Variants in TRIP10 observed in about 807,000 individuals in gnomAD.
TRIP10 encodes the protein thyroid hormone receptor interactor 10.
In TRIP10, 54 loss-of-function variants were observed where a neutral mutation model predicts 80.9. The ratio of observed to expected loss-of-function variants is 0.67; its 90% CI spans 0.54 to 0.84. The LOEUF (loss-of-function observed/expected upper bound fraction) is 0.84. Ranked by LOEUF, TRIP10 falls within the 40% of genes least tolerant of loss-of-function variation. TRIP10 has a pLI of 0.00. For missense variants in TRIP10, 773 were observed against 815.3 expected (o/e 0.95, Z 0.63); for synonymous variants, 321 against 307.2 (o/e 1.04, Z -0.47).
rs140367724 is a variant in TRIP10 at position 6,743,213 on chromosome 19, G to A, written c.365G>A (p.Arg122Gln). Residue 122 changes from arginine (R) to glutamine (Q), a missense_variant, in exon 5 of 15, where the codon CGG becomes CAG. By Grantham distance (43) the Arg-to-Gln change is conservative (BLOSUM62 1). Transcript: ENST00000313244. ...ERKMHFQEGR[R>Q]AQQQLENGFK... ...CTGTAGCACTTCCAAGAAGGGCGGC[G>A]GGCCCAGCAGCAGCTGGAAAATGGC... is the stretch of plus-strand genomic sequence containing the variant. The A allele has an allele frequency of 1.3e-4, 205 of 1,614,088 alleles. No homozygotes were observed. Among genetic ancestry groups the A allele is most frequent in the Middle Eastern group, 1.7e-4 (1 of 5,986 alleles).
chr19:6,746,033 G>T lies in TRIP10; in HGVS notation c.989G>T (p.Arg330Leu), dbSNP rs1337893962. The change falls in exon 10 of 15, where the codon CGC becomes CTC. Residue 330 changes from arginine to leucine, a missense_variant. Physicochemically the swap from Arg to Leu is moderately radical, Grantham distance 102 (BLOSUM62 -2). Coordinates refer to ENST00000313244, the MANE Select transcript of TRIP10 (RefSeq NM_001288962.2). This position sits in a 1 kb window ranked among gnomAD's most constrained non-coding sequence, Gnocchi z 6.2. ...RWPFGKKNKP[R>L]PPPLSPLGGP... ...CTCCCCGGCCCCCGCCGGTAGCCTC[G>T]CCCCCCACCCCTCTCCCCCCTGGGG... 1 of 638,564 alleles carries T rather than the reference G, an allele frequency of 1.6e-6. No individual in the cohort carries two copies. The highest frequency in any genetic ancestry group is 6.2e-5 in the South Asian group (1 of 16,180). 39.6% of individuals were successfully genotyped at this position (638,564 alleles called of 1,614,324 possible).
At chr19:6,739,850 C>T in intron 1 of TRIP10, 65 bp downstream of exon 1, 1 of 1,388,256 alleles carries the variant, frequency 7.2e-7, no homozygotes, top group Non-Finnish European at 9.4e-7. Flanking sequence ...CCTTTTGTCC[C>T]CAATGTATCT....
rs28705365 is a variant in TRIP10, at chr19:6,750,370, C to G, written c.1474C>G (p.Pro492Ala). ...GAGCCGGCACGCCCGGCCTCCCGAC[C>G]CCCCCGCTAGCGCCCCGCCAGACAG... ...SLSRHARPPDPPASAPPDSSS... is the reference protein window; with the variant it reads ...SLSRHARPPDAPASAPPDSSS... The change falls in exon 13 of 15, where the codon CCC (proline) becomes GCC (alanine). Residue 492 changes from proline (P) to alanine (A), a missense_variant. Physicochemically the swap from Pro to Ala is conservative, Grantham distance 27. Coordinates refer to ENST00000313244, the MANE Select transcript of TRIP10 (RefSeq NM_001288962.2). 7 of 1,614,008 alleles carry G rather than the reference C, an allele frequency of 4.3e-6. No homozygotes were observed. The highest frequency in any genetic ancestry group is 2.7e-5 in the African/African-American group (2 of 74,938).
In TRIP10 at chr19:6,746,085, C is replaced by G; in HGVS notation, c.1041C>G (p.Asn347Lys). 6.2e-6 allele frequency: 9 copies of G among 1,457,970 alleles called. No homozygotes were observed. Among genetic ancestry groups the G allele is most frequent in the Non-Finnish European group, 7.3e-6 (8 of 1,091,236 alleles). 90.3% of individuals were successfully genotyped at this position (1,457,970 alleles called of 1,614,324 possible). A position where few individuals can be genotyped will look rare whatever the true frequency, so the allele number is the denominator to read the frequency against. The change falls in exon 10 of 15, where the codon AAC (asparagine) becomes AAG (lysine). Residue 347 changes from asparagine (N) to lysine (K), a missense_variant. Physicochemically the swap from Asn to Lys is moderately conservative, Grantham distance 94 (BLOSUM62 0). Coordinates refer to ENST00000313244, the MANE Select transcript of TRIP10 (RefSeq NM_001288962.2). This position sits in a 1 kb window ranked among gnomAD's most constrained non-coding sequence, Gnocchi z 6.2. ...LGGPVPSALPNGPPSPRSGRD... is the reference protein window; with the variant it reads ...LGGPVPSALPKGPPSPRSGRD... ...GCCCCGTACCCTCGGCATTGCCTAA[C>G]GGACCCCCGTCCCCCCGCTCCGGCC...
In TRIP10 at chr19:6,743,518, T is replaced by A. The variant is rs1251041826; in HGVS notation, c.433T>A (p.Cys145Ser). The A allele has an allele frequency of 6.2e-7, 1 of 1,609,042 alleles. No homozygotes were observed. The highest frequency in any genetic ancestry group is 1.7e-5 in the Admixed American group (1 of 59,620). The part of the protein sequence containing the change: ...ENSKRKFERD[C>S]REAEKAAQTA... Reference sequence around the variant, plus strand: ...GAGTAAGCGTAAATTTGAGCGGGACTGCCGGGAGGCAGAGAAGGCAGCCCA... The same window carrying A: ...GAGTAAGCGTAAATTTGAGCGGGACAGCCGGGAGGCAGAGAAGGCAGCCCA... Residue 145 changes from cysteine to serine, a missense_variant, in exon 6 of 15, where the codon TGC (cysteine) becomes AGC (serine). Physicochemically the swap from Cys to Ser is moderately radical, Grantham distance 112 (BLOSUM62 -1). Transcript: ENST00000313244.
intron 11 of TRIP10, among the ~76,000 whole-genome samples, chr19:6,749,133 A>G (rs1167421612): frequency 6.6e-6 from 1 of 151,738 alleles, no homozygotes; most frequent in Non-Finnish European, 1.5e-5. Flanking sequence ...CTAGAGACAA[A>G]GTCTCACACC....
rs373289079 is a variant in TRIP10 at position 6,749,907 on chromosome 19, C to T, written c.1263-27C>T. On this transcript the variant is annotated intron_variant, in intron 11 of 14. Coordinates refer to ENST00000313244, the MANE Select transcript of TRIP10 (RefSeq NM_001288962.2). Reference sequence around the variant, plus strand: ...AAAACTCACACGGAAGTATGTTTTCCTGTCTATCCTGTCTCCCTTGTCATA... The same window carrying T: ...AAAACTCACACGGAAGTATGTTTTCTTGTCTATCCTGTCTCCCTTGTCATA... 8.1e-6 allele frequency: 13 copies of T among 1,595,776 alleles called. No individual in the cohort carries two copies. In the African/African-American group the frequency reaches 9.5e-5, roughly 12 times the overall value.
chr19:6,744,865 G>C lies in TRIP10; in HGVS notation c.855G>C (p.Glu285Asp), dbSNP rs2145541817. 6.2e-7 allele frequency: 1 copy of C among 1,614,236 alleles called. No homozygotes were observed. Among genetic ancestry groups the C allele is most frequent in the African/African-American group, 1.3e-5 (1 of 75,078 alleles). The change falls in exon 9 of 15, where the codon GAG becomes GAC. Residue 285 changes from glutamate to aspartate, a missense_variant. Transcript: ENST00000313244. This position sits in a 1 kb window ranked among gnomAD's most constrained non-coding sequence, Gnocchi z 4.9. ...GFARPGDVEF[E>D]DFSQPMNRAP... ...CCCGCCCGGGCGACGTGGAATTCGA[G>C]GACTTCAGCCAGCCCATGAACCGTG... is the stretch of plus-strand genomic sequence containing the variant.
chr19:6,751,233 G>C lies in TRIP10; in HGVS notation c.*22G>C. On this transcript the variant is annotated 3_prime_UTR_variant, in exon 15 of 15. Coordinates refer to ENST00000313244, the MANE Select transcript of TRIP10 (RefSeq NM_001288962.2). Reference sequence around the variant, plus strand: ...TTGAACCCTGCCAGAGACGGGAAGAGGGGGGCTGTCGGCTGCTGCTTCTGG... The same window carrying C: ...TTGAACCCTGCCAGAGACGGGAAGACGGGGGCTGTCGGCTGCTGCTTCTGG... The C allele has an allele frequency of 6.2e-7, 1 of 1,613,588 alleles. No individual in the cohort carries two copies. Among genetic ancestry groups the C allele is most frequent in the Non-Finnish European group, 8.5e-7 (1 of 1,179,882 alleles).
Position 6,746,166 on chromosome 19 carries a change from A to G in TRIP10, c.1122A>G (p.Ala374=), listed in dbSNP as rs1969123433. 3 of 1,545,156 alleles carry G rather than the reference A, an allele frequency of 1.9e-6. No homozygotes were observed. Among genetic ancestry groups the G allele is most frequent in the Non-Finnish European group, 2.6e-6 (3 of 1,144,096 alleles). Residue 374 remains alanine, a synonymous_variant, in exon 10 of 15, where the codon GCA becomes GCG. Transcript: ENST00000313244. This position sits in a 1 kb window ranked among gnomAD's most constrained non-coding sequence, Gnocchi z 6.2. Reference sequence around the variant, plus strand: ...GTAAGTCGGTCAAACCGAGGCTAGCATCCTTCCGCAGCCTTCGAGGCAGCC... The same window carrying G: ...GTAAGTCGGTCAAACCGAGGCTAGCGTCCTTCCGCAGCCTTCGAGGCAGCC... ...EISKSVKPRL[A]SFRSLRGSRG...
Position 6,743,688 on chromosome 19 carries a change from T to C in TRIP10, c.514-20T>C. 6.2e-7 allele frequency: 1 copy of C among 1,613,462 alleles called. No homozygotes were observed. Among genetic ancestry groups the C allele is most frequent in the Middle Eastern group, 1.7e-4 (1 of 6,060 alleles). ...ACGTGATCGGAACCTGGCAGTACCT[T>C]CCACCTCTGCATTCTTCAGGCCAAG... On this transcript the variant is annotated intron_variant, in intron 6 of 14. Transcript: ENST00000313244.
In TRIP10 at chr19:6,745,180, G is replaced by A; in HGVS notation, c.984+186G>A. On this transcript the variant is annotated intron_variant, in intron 9 of 14. Transcript: ENST00000313244. The surrounding 1 kb of genome is among the most constrained non-coding windows in gnomAD (Gnocchi z 7.2). ...GGCCTGGGAGTCCCCCGAGGCGAAGGCGGGGGCAGGGTGGGGAGGTGGGGA... is the reference window on the plus strand; with the variant it reads ...GGCCTGGGAGTCCCCCGAGGCGAAGACGGGGGCAGGGTGGGGAGGTGGGGA... 1.2e-6 allele frequency: 1 copy of A among 814,168 alleles called. No homozygotes were observed. Among genetic ancestry groups the A allele is most frequent in the Non-Finnish European group, 1.8e-6 (1 of 541,440 alleles). 50.4% of individuals were successfully genotyped at this position (814,168 alleles called of 1,614,324 possible).
intron 1 of TRIP10, 47 bp downstream of exon 1, chr19:6,739,832 G>A (rs1265249358): frequency 7.1e-7 from 1 of 1,414,568 alleles, no homozygotes; most frequent in East Asian, 2.7e-5. Flanking sequence ...CTGGGGTCCA[G>A]GCACCCCCCT....
intron 11 of TRIP10, among the ~76,000 whole-genome samples, chr19:6,747,340 AAC>A (rs1326278283): frequency 2.0e-5 from 3 of 152,092 alleles, no homozygotes; most frequent in African/African-American, 2.4e-5. Context: ...GAAAAAAAGA[AAC>A]AGTTACTTCT....
Position 6,744,781 on chromosome 19 carries a change from C to T in TRIP10, c.790-19C>T, listed in dbSNP as rs528880643. On this transcript the variant is annotated intron_variant, in intron 8 of 14. Coordinates refer to ENST00000313244, the MANE Select transcript of TRIP10 (RefSeq NM_001288962.2). The surrounding 1 kb of genome is among the most constrained non-coding windows in gnomAD (Gnocchi z 4.9). Reference sequence around the variant, plus strand: ...TAGGCTAGGCACTCGACTGCTCATCCACTGTCCCCCTCCCCCAGGACTCCC... The same window carrying T: ...TAGGCTAGGCACTCGACTGCTCATCTACTGTCCCCCTCCCCCAGGACTCCC... 9.3e-6 allele frequency: 15 copies of T among 1,606,716 alleles called. No homozygotes were observed. The highest frequency in any genetic ancestry group is 4.5e-5 in the South Asian group (4 of 89,710).
Position 6,745,650 on chromosome 19 carries a change from AG to A in TRIP10, c.985-378del. ...CGTCTTCTAGACTGTCAGCCCAGAA[AG>A]CTAAGTGGACAGAGAGACATGGGCC... On this transcript the variant is annotated intron_variant, in intron 9 of 14. Transcript: ENST00000313244. This position sits in a 1 kb window ranked among gnomAD's most constrained non-coding sequence, Gnocchi z 7.2. 1 of 985,176 alleles carries A rather than the reference AG, an allele frequency of 1.0e-6. No homozygotes were observed. Among genetic ancestry groups the A allele is most frequent in the Non-Finnish European group, 1.2e-6 (1 of 829,884 alleles). The allele number at this position is 985,176 out of a possible 1,614,324, so 61.0% of individuals were successfully genotyped here.
In TRIP10 at chr19:6,750,047, T is replaced by C; in HGVS notation, c.1376T>C (p.Leu459Ser). Residue 459 changes from leucine (L) to serine (S), a missense_variant, in exon 12 of 15, where the codon TTG becomes TCG. Physicochemically the swap from Leu to Ser is moderately radical, Grantham distance 145. Transcript: ENST00000313244. ...ETLSNIERLK[L>S]EVQKYEAWLA... Reference sequence around the variant, plus strand: ...CTGAGCAACATTGAACGGCTGAAATTGGAAGTGCAGAAGTATGAGGTCAGG... The same window carrying C: ...CTGAGCAACATTGAACGGCTGAAATCGGAAGTGCAGAAGTATGAGGTCAGG... 1 of 1,593,036 alleles carries C rather than the reference T, an allele frequency of 6.3e-7. No homozygotes were observed. The highest frequency in any genetic ancestry group is 1.5e-5 in the African/African-American group (1 of 68,196).
Position 6,745,582 on chromosome 19 carries a change from C to A in TRIP10, c.985-447C>A. ...TTTATTTTTGTTTATTTATTTTTGTCCTCTGTGGCCTCTTACCTGTCTGAG... is the reference window on the plus strand; with the variant it reads ...TTTATTTTTGTTTATTTATTTTTGTACTCTGTGGCCTCTTACCTGTCTGAG... On this transcript the variant is annotated intron_variant, in intron 9 of 14. Transcript: ENST00000313244. The surrounding 1 kb of genome is among the most constrained non-coding windows in gnomAD (Gnocchi z 7.2). The A allele has an allele frequency of 7.1e-6, 7 of 985,186 alleles. No individual in the cohort carries two copies. The highest frequency in any genetic ancestry group is 8.4e-6 in the Non-Finnish European group (7 of 829,906). 61.0% of individuals were successfully genotyped at this position (985,186 alleles called of 1,614,324 possible).
At position 6,741,215 on chromosome 19, in the gene TRIP10, C is replaced by T. The variant is rs1968909626; in HGVS notation, c.141-10C>T. The T allele has an allele frequency of 6.2e-7, 1 of 1,612,628 alleles. No individual in the cohort carries two copies. Among genetic ancestry groups the T allele is most frequent in the Non-Finnish European group, 8.5e-7 (1 of 1,179,324 alleles). On this transcript the variant is annotated splice_polypyrimidine_tract_variant and intron_variant, in intron 2 of 14. Transcript: ENST00000313244. ...GCGGGCTCAGCCCTCCTACCTCTGT[C>T]TCCCCTTAGGAGCCTGGTGAAAAAA...
Sources: allele counts gnomAD v4.1 joint callset (sites outside exome capture counted in the v4.1 genomes callset), GRCh38; gene constraint gnomAD v4.1.1; non-coding constraint Gnocchi (gnomAD v3.1); transcripts MANE v1.5; gene names NCBI Gene and HGNC (gene_info 2026-07-23, HGNC 2026-07-21).